The following DRC11 variants were observed in gnomAD, a reference collection of about 807,000 sequenced individuals.
DRC11 encodes IQ and AAA domain-containing protein 1.
At chr2:236,317,457 C>T in the DRC11 span, among the ~76,000 whole-genome samples, 15 of 152,240 alleles carry the variant, frequency 9.9e-5, no homozygotes, top group East Asian at 5.8e-4. The surrounding 1 kb of genome is among the most constrained non-coding windows in gnomAD (Gnocchi z 5.4). Context: ...AGAAGCCCGA[C>T]GGAAATGAAT....
chr2:236,422,895 C>A, the DRC11 span, among the ~76,000 whole-genome samples: 1 of 151,900 alleles, frequency 6.6e-6, no homozygotes, highest in Non-Finnish European at 1.5e-5. Flanking sequence ...AGAAATAATG[C>A]CGCATATCTA....
chr2:236,363,312 C>T, the DRC11 span, among the ~76,000 whole-genome samples: 2 of 152,310 alleles, frequency 1.3e-5, no homozygotes, highest in East Asian at 3.9e-4. The surrounding 1 kb of genome is among the most constrained non-coding windows in gnomAD (Gnocchi z 5.6). Flanking sequence ...GATATCAGCA[C>T]GTCTTTACAT....
chr2:236,390,174 A>G, the DRC11 span, among the ~76,000 whole-genome samples: 1 of 152,204 alleles, frequency 6.6e-6, no homozygotes. The surrounding 1 kb of genome is among the most constrained non-coding windows in gnomAD (Gnocchi z 5.9). Flanking sequence ...AGGTGTATAT[A>G]TAATTGTTAT....
the DRC11 span, chr2:236,399,334 G>A: frequency 3.6e-6 from 4 of 1,101,808 alleles, no homozygotes; most frequent in Non-Finnish European, 5.6e-6. The surrounding 1 kb of genome is among the most constrained non-coding windows in gnomAD (Gnocchi z 7.0). Flanking sequence ...GGTTGTGAGT[G>A]GCATACAGCA....
chr2:236,447,992 A>G, the DRC11 span, among the ~76,000 whole-genome samples: 1 of 152,244 alleles, frequency 6.6e-6, no homozygotes, highest in African/African-American at 2.4e-5. This position sits in a 1 kb window ranked among gnomAD's most constrained non-coding sequence, Gnocchi z 4.6. Context: ...TTTGGAATTA[A>G]GATTCGAAGT....
chr2:236,493,265 G>C, the DRC11 span, among the ~76,000 whole-genome samples: 1 of 152,084 alleles, frequency 6.6e-6, no homozygotes, highest in East Asian at 1.9e-4. Flanking sequence ...CTCCCACCAG[G>C]TTCCTCCCAC....
chr2:236,338,780 A>G, the DRC11 span, among the ~76,000 whole-genome samples: 1 of 152,228 alleles, frequency 6.6e-6, no homozygotes, highest in Non-Finnish European at 1.5e-5. Flanking sequence ...TGCTGGAACA[A>G]TGAAGAGCCC....
the DRC11 span, among the ~76,000 whole-genome samples, chr2:236,442,552 T>C: frequency 5.3e-5 from 8 of 152,190 alleles, no homozygotes; most frequent in Admixed American, 5.2e-4. Flanking sequence ...TCCCCCTATC[T>C]GTCACATGAA....
chr2:236,373,064 A>G, the DRC11 span, among the ~76,000 whole-genome samples: 1 of 151,922 alleles, frequency 6.6e-6, no homozygotes, highest in African/African-American at 2.4e-5. Flanking sequence ...TACTTTAAAA[A>G]TTTGCCTTTT....
the DRC11 span, among the ~76,000 whole-genome samples, chr2:236,365,637 C>T: frequency 6.6e-6 from 1 of 152,042 alleles, no homozygotes; most frequent in Non-Finnish European, 1.5e-5. This position sits in a 1 kb window ranked among gnomAD's most constrained non-coding sequence, Gnocchi z 7.4. Context: ...GGAGCAAGGG[C>T]AGGTGAGTGG....
chr2:236,432,769 G>C, the DRC11 span, among the ~76,000 whole-genome samples: 2 of 151,772 alleles, frequency 1.3e-5, no homozygotes, highest in South Asian at 4.2e-4. Context: ...TTGTGTGTGT[G>C]GTTGAATTTA....
the DRC11 span, among the ~76,000 whole-genome samples, chr2:236,379,046 C>T: frequency 6.6e-6 from 1 of 152,170 alleles, no homozygotes; most frequent in African/African-American, 2.4e-5. Context: ...TTGCCAGGGC[C>T]GCGGCAGTGT....
the DRC11 span, chr2:236,338,492 G>A: frequency 5.0e-6 from 5 of 991,398 alleles, no homozygotes; most frequent in South Asian, 3.3e-5. Flanking sequence ...TGATTGCAAA[G>A]CTCTGACAAA....
At chr2:236,504,487 C>T in the DRC11 span, among the ~76,000 whole-genome samples, 1 of 152,242 alleles carries the variant, frequency 6.6e-6, no homozygotes, top group Admixed American at 6.5e-5. The surrounding 1 kb of genome is among the most constrained non-coding windows in gnomAD (Gnocchi z 5.0). Flanking sequence ...GGTAAAAGTG[C>T]TCTACATTTA....
At chr2:236,343,713 C>G in the DRC11 span, 3 of 1,303,998 alleles carry the variant, frequency 2.3e-6, no homozygotes, top group Non-Finnish European at 3.0e-6. This position sits in a 1 kb window ranked among gnomAD's most constrained non-coding sequence, Gnocchi z 6.6. Flanking sequence ...TACTTGTGGA[C>G]CTTTTCAAGT....
chr2:236,377,179 G>A, the DRC11 span: 2 of 1,608,876 alleles, frequency 1.2e-6, no homozygotes, highest in Admixed American at 1.7e-5. This position sits in a 1 kb window ranked among gnomAD's most constrained non-coding sequence, Gnocchi z 4.9. Context: ...ACAGAGACTC[G>A]ATGGTCCTGG....
chr2:236,465,379 A>G, the DRC11 span: 3 of 759,486 alleles, frequency 4.0e-6, no homozygotes, highest in Non-Finnish European at 6.5e-6. This position sits in a 1 kb window ranked among gnomAD's most constrained non-coding sequence, Gnocchi z 6.2. Flanking sequence ...TTGGCATTTC[A>G]CGTTTCTAAA....
chr2:236,386,076 G>A, the DRC11 span, among the ~76,000 whole-genome samples: 1 of 149,602 alleles, frequency 6.7e-6, no homozygotes, highest in South Asian at 2.1e-4. Flanking sequence ...GTATTTTATT[G>A]AGAATTTTTG....
the DRC11 span, among the ~76,000 whole-genome samples, chr2:236,453,479 C>T: frequency 1.3e-5 from 2 of 152,102 alleles, no homozygotes; most frequent in Admixed American, 6.6e-5. The surrounding 1 kb of genome is among the most constrained non-coding windows in gnomAD (Gnocchi z 4.9). Context: ...TAGAACAAAC[C>T]GAATGGCTCT....
Sources: gnomAD v4.1 joint callset for allele counts (sites outside exome capture counted in the v4.1 genomes callset) on GRCh38, gnomAD v4.1.1 for gene constraint, Gnocchi (gnomAD v3.1) non-coding constraint, MANE v1.5 for transcripts, NCBI Gene and HGNC (gene_info 2026-07-23, HGNC 2026-07-21) for gene names.